CCND3: variants seen among roughly 807,000 people sequenced by gnomAD.
CCND3 encodes G1/S-specific cyclin-D3.
In CCND3, 9 loss-of-function variants were observed where a neutral mutation model predicts 28.7. The ratio of observed to expected loss-of-function variants is 0.31; its 90% CI spans 0.19 to 0.55. The LOEUF is 0.55. Ranked by LOEUF, CCND3 falls within the 20% of genes least tolerant of loss-of-function variation. The pLI, the probability that CCND3 is intolerant of heterozygous loss-of-function variation, is 0.93. For missense variants in CCND3, 315 were observed against 385.8 expected, an observed-to-expected ratio of 0.82 and a Z score of 1.54; for synonymous variants, 164 against 163.9, an observed-to-expected ratio of 1.00 and a Z score of 0.00.
intron 1 of CCND3, among the ~76,000 whole-genome samples, chr6:42,020,614 T>C (rs1312406484): frequency 6.6e-6 from 1 of 152,196 alleles, no homozygotes; most frequent in Non-Finnish European, 1.5e-5. Flanking sequence ...AGTTAACCTC[T>C]AAAGACCACT....
rs564203319 is a variant in CCND3 at position 42,011,876 on chromosome 6, A to C, written c.-46+36625T>G. 7.2e-5 allele frequency among the ~76,000 whole-genome samples: 11 copies of C among 152,274 alleles called. 1 individual carries two copies. In the South Asian group the frequency reaches 1.4e-3, roughly 20 times the overall value. The stretch of plus-strand genomic sequence containing the variant: ...TGCAAAGACTCAGATCGAGGAGGAA[A>C]TACACCAGGAAAATGTCACAGGATC... On this transcript the variant is annotated intron_variant, in intron 1 of 4. Transcript: ENST00000372988.
intron 1 of CCND3, among the ~76,000 whole-genome samples, chr6:41,998,838 C>T (rs1372494163): frequency 2.0e-5 from 3 of 151,624 alleles, no homozygotes; most frequent in African/African-American, 7.3e-5. Context: ...TGCCACCACA[C>T]CTGGTTAATT....
At position 41,935,294 on chromosome 6, in the gene CCND3, C is replaced by T; in HGVS notation, c.*646G>A. 4.3e-6 allele frequency: 1 copy of T among 233,916 alleles called. No individual in the cohort carries two copies. 14.5% of individuals were successfully genotyped at this position (233,916 alleles called of 1,614,324 possible). A position where few individuals can be genotyped will look rare whatever the true frequency, so the allele number is the denominator to read the frequency against. The stretch of plus-strand genomic sequence containing the variant: ...TGTCCTCTTAAAGTTGTGCTCAAAG[C>T]AATTAATAAATTAAAATGAGCCTTC... On this transcript the variant is annotated 3_prime_UTR_variant, in exon 5 of 5. Transcript: ENST00000372991.
At chr6:42,033,939 G>A (rs1459275074) in intron 1 of CCND3, among the ~76,000 whole-genome samples, 1 of 152,094 alleles carries the variant, frequency 6.6e-6, no homozygotes, top group African/African-American at 2.4e-5. Context: ...AGGATCACTT[G>A]AGGTCAGGAT....
intron 1 of CCND3, among the ~76,000 whole-genome samples, chr6:41,946,977 T>C (rs1328161706): frequency 6.6e-6 from 1 of 151,978 alleles, no homozygotes; most frequent in Non-Finnish European, 1.5e-5. Flanking sequence ...CCCAGCACTT[T>C]GGGAGGCCGA....
chr6:41,947,627 T>C (rs1776202613), intron 1 of CCND3, among the ~76,000 whole-genome samples: 2 of 152,302 alleles, frequency 1.3e-5, no homozygotes, highest in South Asian at 4.1e-4. Flanking sequence ...ACTCTTTTTT[T>C]CCTCCTCTGT....
At chr6:41,973,522 T>C (rs778538782) in intron 1 of CCND3, among the ~76,000 whole-genome samples, 2 of 152,216 alleles carry the variant, frequency 1.3e-5, no homozygotes, top group Non-Finnish European at 2.9e-5. Context: ...TTCCATATTA[T>C]GATTGAATAT....
intron 1 of CCND3, among the ~76,000 whole-genome samples, chr6:42,027,439 CAAAAAA>C (rs5875782): frequency 1.4e-4 from 19 of 132,230 alleles, no homozygotes; most frequent in African/African-American, 2.5e-4. Context: ...GGCTCCATCT[CAAAAAA>C]AAAAAAAAAA....
Position 41,941,340 on chromosome 6 carries a change from T to C in CCND3, c.198+112A>G. The stretch of plus-strand genomic sequence containing the variant: ...GTGAAAGGCCAGGCCCCGGGAGTCT[T>C]AGCCTCGGAGCATCCTGCAGATTGC... On this transcript the variant is annotated intron_variant, in intron 1 of 4. Coordinates refer to ENST00000372991, the MANE Select transcript of CCND3 (RefSeq NM_001760.5). This position sits in a 1 kb window ranked among gnomAD's most constrained non-coding sequence, Gnocchi z 6.1. 6.6e-7 allele frequency: 1 copy of C among 1,511,982 alleles called. No individual in the cohort carries two copies. Among genetic ancestry groups the C allele is most frequent in the Non-Finnish European group, 8.8e-7 (1 of 1,133,694 alleles). 93.7% of individuals were successfully genotyped at this position (1,511,982 alleles called of 1,614,324 possible).
chr6:42,016,376 T>C (rs996706051), intron 1 of CCND3, among the ~76,000 whole-genome samples: 14 of 151,704 alleles, frequency 9.2e-5, no homozygotes, highest in Admixed American at 4.6e-4. Flanking sequence ...AATGAGGAAA[T>C]TGAGATTCAG....
At chr6:42,045,847 G>A (rs910365467) in intron 1 of CCND3, among the ~76,000 whole-genome samples, 3 of 152,234 alleles carry the variant, frequency 2.0e-5, no homozygotes, top group Non-Finnish European at 2.9e-5. Context: ...TCCTCTTGTG[G>A]TTTTTCAAGA....
upstream of CCND3, among the ~76,000 whole-genome samples, chr6:41,942,892 T>G (rs2127396315): frequency 6.8e-6 from 1 of 147,042 alleles, no homozygotes; most frequent in East Asian, 2.0e-4. Context: ...TTTTTTTTTT[T>G]TTTTGAGACG....
Position 41,936,140 on chromosome 6 carries a change from ACT to A in CCND3, c.712-35_712-34del, listed in dbSNP as rs1561949124. The stretch of plus-strand genomic sequence containing the variant: ...CATGGGAGAAGAGTGAGGAGCAAAC[ACT>A]CCCCCCATAGCATCTGGCAGCAGGT... On this transcript the variant is annotated intron_variant, in intron 4 of 4. Transcript: ENST00000372991. The surrounding 1 kb of genome is among the most constrained non-coding windows in gnomAD (Gnocchi z 4.4). The A allele has an allele frequency of 6.5e-7, 1 of 1,534,202 alleles. No homozygotes were observed.
chr6:41,968,195 G>GA (rs1245706892), intron 1 of CCND3, among the ~76,000 whole-genome samples: 6 of 151,988 alleles, frequency 3.9e-5, no homozygotes, highest in Non-Finnish European at 5.9e-5. Flanking sequence ...CTGTGCACTG[G>GA]AAAAAAATGC....
At chr6:41,940,921 T>C (rs1162966398) in intron 1 of CCND3, 2 of 1,580,948 alleles carry the variant, frequency 1.3e-6, no homozygotes, top group South Asian at 1.1e-5. Flanking sequence ...AGCTGGGACC[T>C]CACCCCCATC....
intron 1 of CCND3, among the ~76,000 whole-genome samples, chr6:41,963,570 G>A (rs145058383): frequency 2.6e-5 from 4 of 152,350 alleles, no homozygotes; most frequent in Non-Finnish European, 5.9e-5. Flanking sequence ...TACCAAGGCA[G>A]GCAATCAGCC....
upstream of CCND3, among the ~76,000 whole-genome samples, chr6:41,946,490 A>T (rs1025107619): frequency 6.7e-6 from 1 of 149,456 alleles, no homozygotes; most frequent in African/African-American, 2.5e-5. Flanking sequence ...AGTCCCAGCT[A>T]CTCAGGAGGC....
At chr6:41,960,764 A>T (rs1374484400) in intron 1 of CCND3, among the ~76,000 whole-genome samples, 3 of 152,190 alleles carry the variant, frequency 2.0e-5, no homozygotes, top group Non-Finnish European at 4.4e-5. Flanking sequence ...AGATTCAGAG[A>T]GCAAATTATA....
rs139996163 is a variant in CCND3, at chr6:41,940,520, G to A, written c.264C>T (p.Tyr88=). 4.3e-5 allele frequency: 70 copies of A among 1,613,900 alleles called. No individual in the cohort carries two copies. The African/African-American group carries it at 8.3e-4, about 19-fold the overall frequency. ...CCTTTCGGGTGGGGACGCAAGACAGGTAGCGATCCAGGTAGTTCATGGCCA... is the reference window on the plus strand; with the variant it reads ...CCTTTCGGGTGGGGACGCAAGACAGATAGCGATCCAGGTAGTTCATGGCCA... ...FPLAMNYLDR[Y]LSCVPTRKAQ... is the part of the protein sequence containing the mutation. The change falls in exon 2 of 5, where the codon TAC becomes TAT. Residue 88 remains tyrosine (Y), a synonymous_variant. Transcript: ENST00000372991.
Sources: gnomAD v4.1 joint callset for allele counts (sites outside exome capture counted in the v4.1 genomes callset) on GRCh38, gnomAD v4.1.1 for gene constraint, Gnocchi (gnomAD v3.1) non-coding constraint, MANE v1.5 for transcripts, NCBI Gene and HGNC (gene_info 2026-07-23, HGNC 2026-07-21) for gene names.